CATSPERE: variants seen among roughly 807,000 people sequenced by gnomAD.
CATSPERE encodes the protein cation channel sperm-associated auxiliary subunit epsilon.
Under a neutral mutation model 114.1 loss-of-function variants are expected in CATSPERE, and 93 were observed. That is an observed-to-expected ratio of 0.81 (90% CI 0.69 to 0.97). The LOEUF (loss-of-function observed/expected upper bound fraction) is 0.97. Among genes scored for constraint, CATSPERE ranks in the 50% least tolerant of loss-of-function variants. The probability of loss-of-function intolerance (pLI) is 0.00; values close to 1 mark genes in which losing one functional copy is unlikely to be tolerated. For missense variants in CATSPERE, 1,058 were observed against 1,131.6 expected (o/e 0.93, Z 0.93); for synonymous variants, 341 against 384.1 (o/e 0.89, Z 1.31).
At chr1:244,547,643 T>G (rs1020258768) in intron 8 of CATSPERE, among the ~76,000 whole-genome samples, 3 of 152,200 alleles carry the variant, frequency 2.0e-5, no homozygotes, top group African/African-American at 7.2e-5. Flanking sequence ...AGATGTTATG[T>G]GTAAGCCTCA....
intron 2 of CATSPERE, among the ~76,000 whole-genome samples, chr1:244,466,271 G>A (rs904101111): frequency 6.6e-6 from 1 of 152,076 alleles, no homozygotes; most frequent in African/African-American, 2.4e-5. Context: ...ACATGAGTTT[G>A]CTCCACAGCA....
At chr1:244,628,369 A>G (rs1156719768) in intron 20 of CATSPERE, among the ~76,000 whole-genome samples, 1 of 152,184 alleles carries the variant, frequency 6.6e-6, no homozygotes, top group Non-Finnish European at 1.5e-5. Context: ...ATAAGGCCAT[A>G]CTAGGCACCA....
In CATSPERE at chr1:244,599,182, G is replaced by A. The variant is rs114856155; in HGVS notation, c.2303+5604G>A. ...GGCTCAAATCTAACTGCAAGGTGGT[G>A]TATAAAATGTAATCAGATACAGTTC... On this transcript the variant is annotated intron_variant, in intron 17 of 21. Coordinates refer to ENST00000366534, the MANE Select transcript of CATSPERE (RefSeq NM_001130957.2). 9.0e-3 allele frequency among the ~76,000 whole-genome samples: 1,365 copies of A among 152,262 alleles called. 11 individuals are homozygous for A. The highest frequency in any genetic ancestry group is 0.014 in the Non-Finnish European group (970 of 68,016).
At chr1:244,509,162 GAGA>G (rs1463613119) in intron 7 of CATSPERE, among the ~76,000 whole-genome samples, 1 of 152,032 alleles carries the variant, frequency 6.6e-6, no homozygotes, top group Non-Finnish European at 1.5e-5. Context: ...TTCTTAGAGG[GAGA>G]AGCTTTCAAC....
intron 17 of CATSPERE, among the ~76,000 whole-genome samples, chr1:244,600,104 C>T (rs1429461091): frequency 6.6e-6 from 1 of 152,056 alleles, no homozygotes; most frequent in Non-Finnish European, 1.5e-5. Context: ...GACTCCCTCC[C>T]GTGATAGACA....
intron 7 of CATSPERE, among the ~76,000 whole-genome samples, chr1:244,515,935 T>C (rs934664690): frequency 5.9e-5 from 9 of 151,474 alleles, no homozygotes; most frequent in African/African-American, 2.2e-4. Flanking sequence ...GTCTCACACC[T>C]ATAATCCCAG....
intron 15 of CATSPERE, among the ~76,000 whole-genome samples, chr1:244,592,711 A>T (rs1462008182): frequency 2.0e-5 from 3 of 152,238 alleles, no homozygotes; most frequent in African/African-American, 7.2e-5. Flanking sequence ...GATGAGAAGA[A>T]AATGTTTAAT....
chr1:244,553,843 C>T (rs1233075864), intron 9 of CATSPERE, among the ~76,000 whole-genome samples: 11 of 152,084 alleles, frequency 7.2e-5, no homozygotes, highest in Non-Finnish European at 1.6e-4. Context: ...CCTCTCCTTC[C>T]CAGACTCTAA....
At chr1:244,635,414 CCATAGGG>C in intron 20 of CATSPERE, 68 bp from the exon 21 acceptor site, 1 of 1,068,978 alleles carries the variant, frequency 9.4e-7, no homozygotes, top group Non-Finnish European at 1.4e-6. Flanking sequence ...TTGATTGTTA[CCATAGGG>C]ACATGGAGAG....
chr1:244,583,421 C>G (rs1212565649), intron 12 of CATSPERE, among the ~76,000 whole-genome samples: 1 of 152,104 alleles, frequency 6.6e-6, no homozygotes, highest in African/African-American at 2.4e-5. Flanking sequence ...ACTAATTTTA[C>G]AACTCACTCT....
intron 20 of CATSPERE, among the ~76,000 whole-genome samples, chr1:244,628,919 T>C (rs1673544479): frequency 6.6e-6 from 1 of 152,240 alleles, no homozygotes; most frequent in Non-Finnish European, 1.5e-5. Flanking sequence ...AGACCAGTTC[T>C]GTACTTACAC....
intron 15 of CATSPERE, among the ~76,000 whole-genome samples, chr1:244,592,593 G>T (rs1667872285): frequency 6.6e-6 from 1 of 152,154 alleles, no homozygotes. Context: ...TGTTTAACCA[G>T]TAGGCATATT....
In CATSPERE at chr1:244,490,480, T is replaced by A. The variant is rs1572365923; in HGVS notation, c.351+9T>A. The A allele has an allele frequency of 5.0e-6, 6 of 1,190,750 alleles. No homozygotes were observed. The highest frequency in any genetic ancestry group is 7.1e-6 in the Non-Finnish European group (6 of 843,396). The allele number at this position is 1,190,750 out of a possible 1,614,324, so 73.8% of individuals were successfully genotyped here. A position where few individuals can be genotyped will look rare whatever the true frequency, so the allele number is the denominator to read the frequency against. ...TTAACAACTTTACCCAGGTAAAATATTTTTTAAATTTTGTATAGCCTTCAT... is the reference window on the plus strand; with the variant it reads ...TTAACAACTTTACCCAGGTAAAATAATTTTTAAATTTTGTATAGCCTTCAT... On this transcript the variant is annotated intron_variant, in intron 6 of 21. Transcript: ENST00000366534.
At chr1:244,517,869 C>T (rs1676902666) in intron 7 of CATSPERE, among the ~76,000 whole-genome samples, 1 of 150,670 alleles carries the variant, frequency 6.6e-6, no homozygotes, top group Admixed American at 6.6e-5. Flanking sequence ...ATCAGATAAC[C>T]CCATAACCCC....
chr1:244,610,438 C>G (rs1447241594), intron 19 of CATSPERE, 112 bp downstream of exon 19: 4 of 756,636 alleles, frequency 5.3e-6, no homozygotes, highest in African/African-American at 5.2e-5. Flanking sequence ...TTTGGTAAAT[C>G]AAATCCTATT....
chr1:244,635,459 A>C (rs1481737408), intron 20 of CATSPERE, 30 bp from the exon 21 acceptor site: 1 of 1,525,348 alleles, frequency 6.6e-7, no homozygotes, highest in African/African-American at 1.4e-5. Flanking sequence ...TACTTAGTGT[A>C]ATCTTTCATA....
At chr1:244,605,134 G>A (rs1049805266) in intron 17 of CATSPERE, among the ~76,000 whole-genome samples, 4 of 152,174 alleles carry the variant, frequency 2.6e-5, no homozygotes, top group African/African-American at 4.8e-5. Context: ...CTCCTAGGGG[G>A]ATCTGCAGCA....
chr1:244,614,058 G>A (rs2148700371), intron 19 of CATSPERE, among the ~76,000 whole-genome samples: 1 of 152,344 alleles, frequency 6.6e-6, no homozygotes, highest in South Asian at 2.1e-4. Context: ...CCACCAGGAA[G>A]ATGGCCCTCA....
At chr1:244,460,480 C>A (rs569341698), upstream of CATSPERE, among the ~76,000 whole-genome samples, 2 of 152,254 alleles carry the variant, frequency 1.3e-5, no homozygotes, top group East Asian at 3.9e-4. Flanking sequence ...AATCAGCACT[C>A]CTGGCTCACT....
Sources: allele counts gnomAD v4.1 joint callset (sites outside exome capture counted in the v4.1 genomes callset), GRCh38; gene constraint gnomAD v4.1.1; transcripts MANE v1.5; gene names NCBI Gene and HGNC (gene_info 2026-07-23, HGNC 2026-07-21).